Variants in RAPH1 observed in about 807,000 individuals in gnomAD.
RAPH1 encodes the protein Ras association (RalGDS/AF-6) and pleckstrin homology domains 1, also known as ras-associated and pleckstrin homology domains-containing protein 1.
Under a neutral mutation model 88.1 loss-of-function variants are expected in RAPH1, and 18 were observed. That is an observed-to-expected ratio of 0.20 (90% CI 0.14 to 0.30). RAPH1 has a LOEUF of 0.30. RAPH1 is among the 10% of genes least tolerant of loss of function. The pLI is 1.00. For synonymous variants in RAPH1, 587 were observed against 559.0 expected, an observed-to-expected ratio of 1.05 and a Z score of -0.71; for missense variants, 1,448 against 1,543.2, an observed-to-expected ratio of 0.94 and a Z score of 1.03.
At chr2:203,475,915 A>G (rs1239436979) in intron 4 of RAPH1, among the ~76,000 whole-genome samples, 1 of 151,976 alleles carries the variant, frequency 6.6e-6, no homozygotes. Context: ...CTTTTTCATT[A>G]TTTCTCCTTC....
At chr2:203,501,464 G>A (rs1429128087) in intron 1 of RAPH1, among the ~76,000 whole-genome samples, 3 of 152,146 alleles carry the variant, frequency 2.0e-5, no homozygotes, top group Non-Finnish European at 4.4e-5. Flanking sequence ...CGTCTGGGAA[G>A]TTTTAAAAAT....
intron 1 of RAPH1, among the ~76,000 whole-genome samples, chr2:203,514,353 GTTTTTT>G (rs747324394): frequency 1.3e-5 from 2 of 152,008 alleles, no homozygotes; most frequent in Admixed American, 1.3e-4. Context: ...TACTTTTAGG[GTTTTTT>G]TGTTTTTGTT....
At chr2:203,480,020 G>A (rs1259432412) in intron 4 of RAPH1, among the ~76,000 whole-genome samples, 3 of 152,168 alleles carry the variant, frequency 2.0e-5, no homozygotes, top group Non-Finnish European at 4.4e-5. Flanking sequence ...TCAATTCTCT[G>A]TATAAATTTT....
chr2:203,491,551 C>T (rs550595308), intron 2 of RAPH1, among the ~76,000 whole-genome samples: 248 of 152,150 alleles, frequency 1.6e-3, no homozygotes, highest in African/African-American at 5.8e-3. Context: ...GATGAAGTCT[C>T]GTCCTGTCAC....
chr2:203,443,140 T>A (rs2098505793), intron 13 of RAPH1: 2 of 152,172 alleles, frequency 1.3e-5, no homozygotes, highest in Admixed American at 1.3e-4. Context: ...GGCCTTCTCT[T>A]CCCTGCGGGA....
At chr2:203,466,679 C>T (rs1230172072) in intron 4 of RAPH1, among the ~76,000 whole-genome samples, 2 of 152,112 alleles carry the variant, frequency 1.3e-5, no homozygotes, top group Non-Finnish European at 2.9e-5. Context: ...TAAAAAATAC[C>T]TCACATATGT....
chr2:203,468,323 T>C (rs76174471), intron 4 of RAPH1, among the ~76,000 whole-genome samples: 20 of 152,296 alleles, frequency 1.3e-4, no homozygotes, highest in Non-Finnish European at 2.8e-4. Context: ...ACACTTGTAC[T>C]TTCACTCAAC....
chr2:203,435,783 T>C lies in RAPH1; in HGVS notation c.*3654A>G, dbSNP rs994441987. On this transcript the variant is annotated 3_prime_UTR_variant, in exon 14 of 14. Transcript: ENST00000319170. ...GAATGGGTTTTTTACCTGTTTAAAG[T>C]CACTTTGTGTTTATAACAAAATTAC... The C allele has an allele frequency of 6.6e-6, 1 of 152,206 alleles. No homozygotes were observed. The highest frequency in any genetic ancestry group is 2.4e-5 in the African/African-American group (1 of 41,448). The allele number at this position is 152,206 out of a possible 1,614,324, so 9.4% of individuals were successfully genotyped here. A position where few individuals can be genotyped will look rare whatever the true frequency, so the allele number is the denominator to read the frequency against.
At chr2:203,466,383 T>C (rs748188495) in intron 4 of RAPH1, among the ~76,000 whole-genome samples, 2 of 152,210 alleles carry the variant, frequency 1.3e-5, no homozygotes, top group Admixed American at 6.5e-5. Flanking sequence ...CCATATCTTT[T>C]AACTATTAAC....
intron 1 of RAPH1, among the ~76,000 whole-genome samples, chr2:203,534,539 G>A (rs1022498644): frequency 3.0e-4 from 34 of 114,046 alleles, no homozygotes; most frequent in African/African-American, 1.1e-3. Context: ...ATTGCAGTTT[G>A]GATTTCCGGC....
intron 1 of RAPH1, among the ~76,000 whole-genome samples, chr2:203,515,180 A>G (rs923484709): frequency 1.3e-5 from 2 of 150,524 alleles, no homozygotes; most frequent in African/African-American, 5.0e-5. Context: ...AAAATATTTT[A>G]TAGGCTACTT....
intron 10 of RAPH1, among the ~76,000 whole-genome samples, chr2:203,450,900 T>G (rs577005334): frequency 5.3e-4 from 80 of 151,830 alleles, no homozygotes; most frequent in Admixed American, 3.1e-3. Flanking sequence ...AAAGAGGGTT[T>G]TTTTTTTTTT....
chr2:203,466,360 A>G (rs1051535138), intron 4 of RAPH1, among the ~76,000 whole-genome samples: 2 of 152,180 alleles, frequency 1.3e-5, no homozygotes, highest in Non-Finnish European at 2.9e-5. Flanking sequence ...TGTCTAATGT[A>G]TTTAAGCAAT....
At chr2:203,475,322 G>T (rs1283047865) in intron 4 of RAPH1, among the ~76,000 whole-genome samples, 2 of 152,156 alleles carry the variant, frequency 1.3e-5, no homozygotes, top group African/African-American at 4.8e-5. Flanking sequence ...CAGGAGAATG[G>T]CATGAACCTG....
At chr2:203,501,270 T>C (rs1480534496) in intron 1 of RAPH1, among the ~76,000 whole-genome samples, 2 of 152,184 alleles carry the variant, frequency 1.3e-5, no homozygotes, top group Admixed American at 1.3e-4. Flanking sequence ...ACACTCATAA[T>C]GTAAAATGGA....
intron 7 of RAPH1, among the ~76,000 whole-genome samples, 166 bp downstream of exon 7, chr2:203,459,741 T>TCAG (rs974035155): frequency 8.5e-5 from 13 of 152,054 alleles, no homozygotes; most frequent in Admixed American, 3.3e-4. Context: ...ACTTTCCACC[T>TCAG]CAGCAGCAGC....
At position 203,535,289 on chromosome 2, in the gene RAPH1, AC is replaced by A. The variant is rs1690572029; in HGVS notation, c.-180del. The A allele has an allele frequency of 6.7e-6, 1 of 149,740 alleles. No homozygotes were observed. The highest frequency in any genetic ancestry group is 2.5e-5 in the African/African-American group (1 of 40,456). The allele number at this position is 149,740 out of a possible 1,614,324, so 9.3% of individuals were successfully genotyped here. On this transcript the variant is annotated 5_prime_UTR_variant, in exon 1 of 14. Coordinates refer to ENST00000319170, the MANE Select transcript of RAPH1 (RefSeq NM_213589.3). Reference sequence around the variant, plus strand: ...GACTGACTGACTGACTGACTGACTGACTGACTGACTGGCGGGCGGCGGCGGG... The same window carrying A: ...GACTGACTGACTGACTGACTGACTGATGACTGACTGGCGGGCGGCGGCGGG...
At chr2:203,504,981 A>G (rs1445992628) in intron 1 of RAPH1, among the ~76,000 whole-genome samples, 1 of 152,138 alleles carries the variant, frequency 6.6e-6, no homozygotes. Flanking sequence ...CTTGGATCTT[A>G]TTGTTCATAT....
At chr2:203,449,358 A>G (rs890091752) in intron 10 of RAPH1, among the ~76,000 whole-genome samples, 6 of 152,222 alleles carry the variant, frequency 3.9e-5, no homozygotes, top group Admixed American at 1.3e-4. Flanking sequence ...CACCTGTCAC[A>G]GGGAAGTACA....
Sources: allele counts gnomAD v4.1 joint callset (sites outside exome capture counted in the v4.1 genomes callset), GRCh38; gene constraint gnomAD v4.1.1; transcripts MANE v1.5; gene names NCBI Gene and HGNC (gene_info 2026-07-23, HGNC 2026-07-21).